ZNF736: variants seen among roughly 807,000 people sequenced by gnomAD.
ZNF736 encodes the protein zinc finger protein 736, also known as KRAB-containing zinc-finger repressor protein.
A neutral mutation model predicts 11.7 loss-of-function variants in ZNF736; 6 were observed. The ratio of observed to expected loss-of-function variants is 0.51; its 90% CI spans 0.28 to 1.01. ZNF736 has a LOEUF of 1.01. Among genes scored for constraint, ZNF736 ranks in the 50% least tolerant of loss-of-function variants. The pLI, the probability that ZNF736 is intolerant of heterozygous loss-of-function variation, is 0.09. For missense variants in ZNF736, 444 were observed against 496.0 expected (o/e 0.90, Z 1.00); for synonymous variants, 139 against 164.7 (o/e 0.84, Z 1.19).
At chr7:64,342,757 A>G (rs189631410) in intron 3 of ZNF736, among the ~76,000 whole-genome samples, 1 of 152,272 alleles carries the variant, frequency 6.6e-6, no homozygotes, top group Admixed American at 6.5e-5. Context: ...TAATAGGCAC[A>G]CCATATATTA....
chr7:64,337,255 A>C, intron 3 of ZNF736: 1 of 411,966 alleles, frequency 2.4e-6, no homozygotes, highest in South Asian at 3.7e-5. Flanking sequence ...CAATAATGAA[A>C]GTCTTTCATG....
chr7:64,323,665 A>G (rs980076554), intron 1 of ZNF736, among the ~76,000 whole-genome samples: 15 of 152,148 alleles, frequency 9.9e-5, no homozygotes, highest in African/African-American at 3.4e-4. Flanking sequence ...GCATGCTCTC[A>G]TACTAATAAG....
chr7:64,348,329 T>C lies in ZNF736; in HGVS notation c.466T>C (p.Leu156=), dbSNP rs1789438689. The part of the protein sequence containing the change: ...QCNKCGRGFQ[L]CSIFTEHKDI... ...TAATAAATGTGGCAGAGGTTTTCAG[T>C]TGTGCTCAATCTTCACTGAACATAA... is the stretch of plus-strand genomic sequence containing the variant. Residue 156 remains leucine (L), a synonymous_variant, in exon 4 of 4, where the codon TTG becomes CTG. Coordinates refer to ENST00000423484, the MANE Select transcript of ZNF736 (RefSeq NM_001170905.3). 6.4e-7 allele frequency: 1 copy of C among 1,551,572 alleles called. No individual in the cohort carries two copies. Among genetic ancestry groups the C allele is most frequent in the African/African-American group, 1.4e-5 (1 of 73,052 alleles).
chr7:64,323,710 G>A (rs1300202616), intron 1 of ZNF736, among the ~76,000 whole-genome samples: 1 of 152,032 alleles, frequency 6.6e-6, no homozygotes. Flanking sequence ...GGACACCTTG[G>A]GGGAACAACA....
At chr7:64,345,902 A>G (rs978133761) in intron 3 of ZNF736, among the ~76,000 whole-genome samples, 1 of 152,176 alleles carries the variant, frequency 6.6e-6, no homozygotes, top group African/African-American at 2.4e-5. Flanking sequence ...GTCACAGGTC[A>G]TCCATCTAGG....
chr7:64,342,007 A>G (rs1009842431), intron 3 of ZNF736, among the ~76,000 whole-genome samples: 4 of 152,162 alleles, frequency 2.6e-5, no homozygotes, highest in Non-Finnish European at 4.4e-5. Flanking sequence ...ATGGAGGACA[A>G]TTTTTTGATG....
chr7:64,337,755 G>GTTTTTTTTTTTTTTTTTTTT (rs147991832), intron 3 of ZNF736, among the ~76,000 whole-genome samples: 1 of 86,238 alleles, frequency 1.2e-5, no homozygotes, highest in Non-Finnish European at 2.0e-5. Context: ...TGTTTTTTTT[G>GTTTTTTTTTTTTTTTTTTTT]GTTTTTTTTT....
At position 64,314,006 on chromosome 7, in the gene ZNF736, C is replaced by G. The variant is rs1584262070; in HGVS notation, c.-145C>G. ...GGGCCTTTGTCTCCTAGCTTCCGGG[C>G]TCTGATCCTAGTTCGCGTCTCCACT... On this transcript the variant is annotated 5_prime_UTR_variant, in exon 1 of 4. Coordinates refer to ENST00000423484, the MANE Select transcript of ZNF736 (RefSeq NM_001170905.3). 2 of 1,142,452 alleles carry G rather than the reference C, an allele frequency of 1.8e-6. No individual in the cohort carries two copies. The highest frequency in any genetic ancestry group is 2.6e-5 in the East Asian group (1 of 38,824). The allele number at this position is 1,142,452 out of a possible 1,614,324, so 70.8% of individuals were successfully genotyped here. A position where few individuals can be genotyped will look rare whatever the true frequency, so the allele number is the denominator to read the frequency against.
intron 1 of ZNF736, among the ~76,000 whole-genome samples, chr7:64,319,662 A>AT (rs1302701332): frequency 3.3e-5 from 5 of 150,672 alleles, no homozygotes; most frequent in African/African-American, 1.2e-4. Context: ...CGCCTGGCTA[A>AT]TTTTTTGTAT....
chr7:64,320,003 G>C (rs1378952882), intron 1 of ZNF736, among the ~76,000 whole-genome samples: 1 of 151,892 alleles, frequency 6.6e-6, no homozygotes, highest in Non-Finnish European at 1.5e-5. Flanking sequence ...GTTCCAGAGA[G>C]AAGACTAAAC....
Position 64,349,322 on chromosome 7 carries a change from TTGCTATTATGTAA to T in ZNF736, c.*179_*191del, listed in dbSNP as rs936865083. 1 of 502,880 alleles carries T rather than the reference TTGCTATTATGTAA, an allele frequency of 2.0e-6. No homozygotes were observed. The highest frequency in any genetic ancestry group is 2.0e-5 in the African/African-American group (1 of 51,080). The allele number at this position is 502,880 out of a possible 1,614,324, so 31.2% of individuals were successfully genotyped here. A position where few individuals can be genotyped will look rare whatever the true frequency, so the allele number is the denominator to read the frequency against. ...ATATGTTGGGTACATATATAGCCCT[TTGCTATTATGTAA>T]TGCCCTTTTTTTTTAAATCTATGTT... On this transcript the variant is annotated 3_prime_UTR_variant, in exon 4 of 4. Transcript: ENST00000423484.
Position 64,356,480 on chromosome 7 carries a change from C to G in ZNF736, c.*7333C>G, listed in dbSNP as rs1789555030. Among the ~76,000 whole-genome samples the G allele has an allele frequency of 6.6e-6, 1 of 151,936 alleles. No homozygotes were observed. Reference sequence around the variant, plus strand: ...TTAAGTTGCCTATTTTTAAAAAAATCTATCAATTTTGAATTGCATACCTAG... The same window carrying G: ...TTAAGTTGCCTATTTTTAAAAAAATGTATCAATTTTGAATTGCATACCTAG... On this transcript the variant is annotated 3_prime_UTR_variant, in exon 4 of 4. Transcript: ENST00000423484.
At chr7:64,328,210 G>C (rs1789108265) in intron 1 of ZNF736, among the ~76,000 whole-genome samples, 1 of 151,050 alleles carries the variant, frequency 6.6e-6, no homozygotes, top group South Asian at 2.1e-4. Flanking sequence ...GGACAGGTCT[G>C]GGGGTGTTAA....
rs149410345 is a variant in ZNF736, at chr7:64,355,279, C to G, written c.*6132C>G. ...ATCGAAACCTAAAATGCCCTGAACT[C>G]TTTTCATATAGATTAATAAAATATG... On this transcript the variant is annotated 3_prime_UTR_variant, in exon 4 of 4. Coordinates refer to ENST00000423484, the MANE Select transcript of ZNF736 (RefSeq NM_001170905.3). The G allele has an allele frequency of 2.1e-3, 345 of 167,576 alleles. 3 individuals are homozygous for G. The highest frequency in any genetic ancestry group is 7.3e-3 in the African/African-American group (302 of 41,590). The allele number at this position is 167,576 out of a possible 1,614,324, so 10.4% of individuals were successfully genotyped here.
chr7:64,341,214 T>C (rs1490851451), intron 3 of ZNF736, among the ~76,000 whole-genome samples: 2 of 152,128 alleles, frequency 1.3e-5, no homozygotes, highest in Non-Finnish European at 2.9e-5. Flanking sequence ...TGAGCATACT[T>C]AGTATCATTA....
intron 3 of ZNF736, chr7:64,337,353 AT>A (rs1310685577): frequency 5.1e-5 from 10 of 197,166 alleles, no homozygotes; most frequent in Middle Eastern, 2.2e-3. Context: ...ATATTAAACC[AT>A]TTTTTTAAGT....
chr7:64,315,747 CTG>C (rs1441823748), intron 1 of ZNF736, among the ~76,000 whole-genome samples: 2 of 152,030 alleles, frequency 1.3e-5, no homozygotes, highest in East Asian at 3.9e-4. Context: ...CCCAGCCTAA[CTG>C]TTCTAGGGAC....
chr7:64,338,180 A>G (rs1368218156), intron 3 of ZNF736, among the ~76,000 whole-genome samples: 1 of 152,232 alleles, frequency 6.6e-6, no homozygotes, highest in African/African-American at 2.4e-5. Flanking sequence ...ACATTTATAT[A>G]CGCATGTGTA....
intron 3 of ZNF736, among the ~76,000 whole-genome samples, chr7:64,341,145 T>G (rs1240134461): frequency 1.3e-5 from 2 of 152,132 alleles, no homozygotes; most frequent in African/African-American, 4.8e-5. Context: ...CAACAATTAT[T>G]TTTCTGCCAC....
Sources: allele counts gnomAD v4.1 joint callset (sites outside exome capture counted in the v4.1 genomes callset), GRCh38; gene constraint gnomAD v4.1.1; transcripts MANE v1.5; gene names NCBI Gene and HGNC (gene_info 2026-07-23, HGNC 2026-07-21).